KYAT3: variants seen among roughly 807,000 people sequenced by gnomAD.
KYAT3 encodes kynurenine--oxoglutarate transaminase 3.
Under a neutral mutation model 59.0 loss-of-function variants are expected in KYAT3, and 50 were observed. That is an observed-to-expected ratio of 0.85 (90% CI 0.68 to 1.07). The LOEUF (loss-of-function observed/expected upper bound fraction) is 1.07. Ranked by LOEUF, KYAT3 falls within the 50% of genes least tolerant of loss-of-function variation. KYAT3 has a pLI of 0.00. For missense variants in KYAT3, 497 were observed against 533.3 expected (o/e 0.93, Z 0.67); for synonymous variants, 148 against 177.0 (o/e 0.84, Z 1.30).
rs907050199 is a variant in KYAT3, at chr1:88,977,192, TA to T, written c.100-7726del. Among the ~76,000 whole-genome samples, 46 of 151,564 alleles carry T rather than the reference TA, an allele frequency of 3.0e-4. 1 individual carries two copies. Among genetic ancestry groups the T allele is most frequent in the African/African-American group, 7.5e-4 (31 of 41,314 alleles). ...ACCATGCCCAGCTAAATTTTGTATT[TA>T]AAAAAAAATTGATTTTTATTTTTTT... is the stretch of plus-strand genomic sequence containing the variant. On this transcript the variant is annotated intron_variant, in intron 2 of 13. Transcript: ENST00000260508.
intron 2 of KYAT3, chr1:88,979,808 A>C (rs1676988318): frequency 6.6e-6 from 1 of 152,226 alleles, no homozygotes; most frequent in African/African-American, 2.4e-5. Flanking sequence ...CAACCATTTT[A>C]CTGGTAGGTA....
chr1:88,972,915 G>C (rs7556189), intron 2 of KYAT3, among the ~76,000 whole-genome samples: 68,887 of 152,026 alleles, frequency 0.45, 15,882 homozygotes, highest in Admixed American at 0.5. Context: ...CTATGGGTTG[G>C]ACCATGCCCC....
intron 10 of KYAT3, among the ~76,000 whole-genome samples, chr1:88,952,828 T>C (rs760708452): frequency 3.9e-5 from 6 of 152,194 alleles, no homozygotes; most frequent in South Asian, 2.1e-4. Context: ...ACAGAATTTG[T>C]AGCACTTTAG....
intron 2 of KYAT3, chr1:88,979,731 G>GTA (rs1231656735): frequency 6.6e-6 from 1 of 152,156 alleles, no homozygotes; most frequent in Non-Finnish European, 1.5e-5. Context: ...ATATAAAAGG[G>GTA]TATAGCCCCT....
At chr1:88,934,989 A>ATTTTTTTTTTTTTTTTTTTTTTTTTTTTT, downstream of KYAT3, among the ~76,000 whole-genome samples, 1 of 110,102 alleles carries the variant, frequency 9.1e-6, no homozygotes, top group Non-Finnish European at 1.8e-5. Flanking sequence ...TAAAGAAGTG[A>ATTTTTTTTTTTTTTTTTTTTTTTTTTTTT]TTTTTTTTTT....
chr1:88,977,049 T>C (rs10922531), intron 2 of KYAT3, among the ~76,000 whole-genome samples: 66,152 of 151,746 alleles, frequency 0.44, 14,676 homozygotes, highest in Admixed American at 0.49. Context: ...GAGTCTCACT[T>C]CGTTGCCCAG....
At chr1:88,958,429 A>AAG (rs1253965556) in intron 8 of KYAT3, among the ~76,000 whole-genome samples, 6 of 151,862 alleles carry the variant, frequency 4.0e-5, no homozygotes, top group Non-Finnish European at 8.8e-5. Flanking sequence ...AAAAAAAAAA[A>AAG]AAAAAAAATC....
chr1:88,982,825 G>C (rs779344113), intron 2 of KYAT3: 3 of 1,613,986 alleles, frequency 1.9e-6, no homozygotes, highest in Non-Finnish European at 2.5e-6. Flanking sequence ...AACTTGAGTA[G>C]AGATCACTTC....
At chr1:88,946,148 AG>A (rs1675433823) in intron 11 of KYAT3, among the ~76,000 whole-genome samples, 1 of 152,356 alleles carries the variant, frequency 6.6e-6, no homozygotes, top group Admixed American at 6.5e-5. Context: ...GTTCCAGGAA[AG>A]AATTGTTCTT....
intron 1 of KYAT3, 105 bp downstream of exon 1, chr1:88,992,480 C>A (rs1557714035): frequency 6.5e-6 from 1 of 152,712 alleles, no homozygotes; most frequent in Non-Finnish European, 1.5e-5. Flanking sequence ...CGCAGCGACT[C>A]CGGCAAGAGG....
rs546736792 is a variant in KYAT3, at chr1:88,970,333, TGTA to T, written c.100-869_100-867del. On this transcript the variant is annotated intron_variant, in intron 2 of 13. Coordinates refer to ENST00000260508, the MANE Select transcript of KYAT3 (RefSeq NM_001008661.3). ...TTATTACTGTATGTTTACAAAAATA[TGTA>T]GTAGTTCTATTACATAGTTAGAACT... is the stretch of plus-strand genomic sequence containing the variant. 1.6e-3 allele frequency among the ~76,000 whole-genome samples: 240 copies of T among 152,298 alleles called. 2 individuals carry two copies. The highest frequency in any genetic ancestry group is 5.6e-3 in the African/African-American group (231 of 41,562).
intron 4 of KYAT3, among the ~76,000 whole-genome samples, chr1:88,968,064 T>C (rs952840624): frequency 2.6e-5 from 4 of 152,194 alleles, no homozygotes; most frequent in African/African-American, 9.7e-5. Flanking sequence ...AAAACCCTTC[T>C]ATGGATTTTT....
intron 8 of KYAT3, among the ~76,000 whole-genome samples, chr1:88,957,165 A>C (rs1245844286): frequency 2.6e-5 from 4 of 152,238 alleles, no homozygotes. Flanking sequence ...AAAGCATATA[A>C]ATCAGAAAAG....
At chr1:88,939,296 A>G (rs973674268) in intron 13 of KYAT3, among the ~76,000 whole-genome samples, 1 of 151,932 alleles carries the variant, frequency 6.6e-6, no homozygotes, top group African/African-American at 2.4e-5. Context: ...CTTTCTTTCA[A>G]TTTCTATTTT....
intron 4 of KYAT3, among the ~76,000 whole-genome samples, chr1:88,965,353 C>G (rs560448842): frequency 6.6e-6 from 1 of 152,164 alleles, no homozygotes; most frequent in Non-Finnish European, 1.5e-5. Context: ...CCCACTTTAA[C>G]TGTATACCCA....
intron 10 of KYAT3, among the ~76,000 whole-genome samples, chr1:88,952,325 T>A (rs1325161892): frequency 1.3e-5 from 2 of 152,196 alleles, no homozygotes; most frequent in Non-Finnish European, 2.9e-5. Flanking sequence ...TAGCTTGATA[T>A]GGTTTGGATC....
At chr1:88,984,363 C>T (rs1282521948) in intron 2 of KYAT3, among the ~76,000 whole-genome samples, 4 of 151,680 alleles carry the variant, frequency 2.6e-5, no homozygotes, top group Non-Finnish European at 5.9e-5. Context: ...TACCGGCATG[C>T]GCCACCACAC....
chr1:88,989,366 T>G (rs1467170424), intron 1 of KYAT3, among the ~76,000 whole-genome samples: 1 of 152,124 alleles, frequency 6.6e-6, no homozygotes, highest in Non-Finnish European at 1.5e-5. Context: ...AAAGCAGAAT[T>G]CAATCTTAAA....
At chr1:88,967,961 G>A (rs1304170649) in intron 4 of KYAT3, among the ~76,000 whole-genome samples, 1 of 152,128 alleles carries the variant, frequency 6.6e-6, no homozygotes, top group African/African-American at 2.4e-5. Context: ...GTGGGCCAGG[G>A]AGTGAGATCT....
Sources: gnomAD v4.1 joint callset for allele counts (sites outside exome capture counted in the v4.1 genomes callset) on GRCh38, gnomAD v4.1.1 for gene constraint, MANE v1.5 for transcripts, NCBI Gene and HGNC (gene_info 2026-07-23, HGNC 2026-07-21) for gene names.